Variants in CARS2 observed in about 807,000 individuals in gnomAD.
CARS2 encodes the protein probable cysteine--tRNA ligase, mitochondrial.
Under a neutral mutation model 68.8 loss-of-function variants are expected in CARS2, and 52 were observed. That is an observed-to-expected ratio of 0.76 (90% CI 0.61 to 0.95). CARS2 has a LOEUF of 0.95. Among genes scored for constraint, CARS2 ranks in the 40% least tolerant of loss-of-function variants. The pLI, the probability that CARS2 is intolerant of heterozygous loss-of-function variation, is 0.00. For synonymous variants in CARS2, 314 were observed against 303.6 expected, an observed-to-expected ratio of 1.03 and a Z score of -0.36; for missense variants, 780 against 754.2, an observed-to-expected ratio of 1.03 and a Z score of -0.40.
At chr13:110,673,041 C>T (rs946204137) in intron 7 of CARS2, among the ~76,000 whole-genome samples, 3 of 152,138 alleles carry the variant, frequency 2.0e-5, no homozygotes, top group African/African-American at 7.2e-5. Flanking sequence ...CTGAATAGAC[C>T]AATAACAGGC....
chr13:110,685,173 C>A (rs1338124003), intron 5 of CARS2, among the ~76,000 whole-genome samples: 1 of 152,026 alleles, frequency 6.6e-6, no homozygotes, highest in East Asian at 1.9e-4. Context: ...CTAATTCAAC[C>A]ACCTAAGTCC....
intron 13 of CARS2, chr13:110,644,000 G>A: frequency 5.4e-6 from 4 of 741,102 alleles, no homozygotes; most frequent in Non-Finnish European, 7.7e-6. Flanking sequence ...CAAAACATGT[G>A]CCAGGCAAGG....
At chr13:110,673,803 A>G (rs2062869189) in intron 7 of CARS2, among the ~76,000 whole-genome samples, 1 of 152,138 alleles carries the variant, frequency 6.6e-6, no homozygotes, top group Admixed American at 6.5e-5. Context: ...ATGATTGTAT[A>G]TTTAGAAAAC....
Position 110,668,971 on chromosome 13 carries a change from G to A in CARS2, c.786-1498C>T, listed in dbSNP as rs2062727586. ...ATCTAAAAAATGAATCTACAACCCA[G>A]TTTATATGCCATAGTCTGCTATTAA... On this transcript the variant is annotated intron_variant, in intron 7 of 14. Coordinates refer to ENST00000257347, the MANE Select transcript of CARS2 (RefSeq NM_024537.4). This position sits in a 1 kb window ranked among gnomAD's most constrained non-coding sequence, Gnocchi z 4.1. Among the ~76,000 whole-genome samples the A allele has an allele frequency of 6.6e-6, 1 of 152,196 alleles. No individual in the cohort carries two copies. Among genetic ancestry groups the A allele is most frequent in the African/African-American group, 2.4e-5 (1 of 41,446 alleles).
At chr13:110,701,167 G>A (rs770479970) in intron 3 of CARS2, among the ~76,000 whole-genome samples, 18 of 152,112 alleles carry the variant, frequency 1.2e-4, no homozygotes, top group Middle Eastern at 3.4e-3. Flanking sequence ...AGGGTCAAGC[G>A]ATTCTCCTGC....
chr13:110,648,018 G>A (rs1011305948), intron 10 of CARS2, among the ~76,000 whole-genome samples: 4 of 152,130 alleles, frequency 2.6e-5, no homozygotes, highest in African/African-American at 7.2e-5. Flanking sequence ...GAGCCTATCT[G>A]GACACATATG....
intron 3 of CARS2, among the ~76,000 whole-genome samples, chr13:110,700,613 T>C (rs372898232): frequency 1.3e-5 from 2 of 152,198 alleles, no homozygotes; most frequent in Admixed American, 6.5e-5. Context: ...TTTTTTAATA[T>C]GGAATAAAAT....
In CARS2 at chr13:110,688,204, T is replaced by A. The variant is rs188849917; in HGVS notation, c.394-186A>T. Among the ~76,000 whole-genome samples, 5 of 152,306 alleles carry A rather than the reference T, an allele frequency of 3.3e-5. No homozygotes were observed. The East Asian group carries it at 5.8e-4, about 18-fold the overall frequency. On this transcript the variant is annotated intron_variant, in intron 3 of 14. Coordinates refer to ENST00000257347, the MANE Select transcript of CARS2 (RefSeq NM_024537.4). ...GCACTCATTTTAGGTACTGAACTTT[T>A]ACTAGTAGCTTAGCTAGAAAAAAAG...
rs2062955146 is a variant in CARS2 at position 110,676,541 on chromosome 13, G to A, written c.785+433C>T. On this transcript the variant is annotated intron_variant, in intron 7 of 14. Transcript: ENST00000257347. The surrounding 1 kb of genome is among the most constrained non-coding windows in gnomAD (Gnocchi z 4.0). The stretch of plus-strand genomic sequence containing the variant: ...ACTCCAGGAAGATCTGGGAGGAGCT[G>A]GAGATTTCCGCCACAGAGCACCCTG... Among the ~76,000 whole-genome samples, 1 of 152,130 alleles carries A rather than the reference G, an allele frequency of 6.6e-6. No homozygotes were observed. Among genetic ancestry groups the A allele is most frequent in the Admixed American group, 6.5e-5 (1 of 15,272 alleles).
intron 3 of CARS2, among the ~76,000 whole-genome samples, chr13:110,699,523 TTTAC>T (rs1454556248): frequency 2.6e-5 from 4 of 152,248 alleles, no homozygotes; most frequent in African/African-American, 9.6e-5. Context: ...TTAGGTCAGC[TTTAC>T]TTAAATTCCT....
intron 3 of CARS2, among the ~76,000 whole-genome samples, chr13:110,692,619 C>T (rs1168555039): frequency 1.3e-5 from 2 of 148,362 alleles, no homozygotes; most frequent in African/African-American, 5.0e-5. Flanking sequence ...TCTAGGCCGG[C>T]CTGAGCAACC....
chr13:110,649,400 CCT>C (rs1322176103), intron 10 of CARS2: 1 of 150,616 alleles, frequency 6.6e-6, no homozygotes, highest in Non-Finnish European at 1.5e-5. Flanking sequence ...TCTGTGTGCC[CCT>C]CTCACGCTGA....
At chr13:110,713,011 A>C in intron 1 of CARS2, 1 of 1,530,204 alleles carries the variant, frequency 6.5e-7, no homozygotes, top group Non-Finnish European at 8.8e-7. Flanking sequence ...GCCGCAGCTC[A>C]AAGGACACCG....
intron 7 of CARS2, among the ~76,000 whole-genome samples, chr13:110,675,955 A>C (rs2062937072): frequency 6.6e-6 from 1 of 152,216 alleles, no homozygotes; most frequent in South Asian, 2.1e-4. Context: ...CAGGAGATCG[A>C]GACCAGCCTG....
chr13:110,712,883 G>C (rs1489349795), intron 1 of CARS2: 2 of 1,406,440 alleles, frequency 1.4e-6, no homozygotes, highest in African/African-American at 2.8e-5. Flanking sequence ...TCCAAACTGA[G>C]TACCGGGAGA....
chr13:110,677,208 A>G, intron 6 of CARS2, 105 bp from the exon 7 acceptor site: 2 of 1,127,274 alleles, frequency 1.8e-6, no homozygotes, highest in Admixed American at 3.5e-5. Flanking sequence ...CACCCCCACC[A>G]TGGAAACACA....
At chr13:110,669,174 A>C (rs2062733725) in intron 7 of CARS2, among the ~76,000 whole-genome samples, 1 of 152,186 alleles carries the variant, frequency 6.6e-6, no homozygotes, top group African/African-American at 2.4e-5. Flanking sequence ...CTTAGCAGAA[A>C]AGGGAATCTC....
At chr13:110,654,921 CAA>C (rs34662096) in intron 9 of CARS2, among the ~76,000 whole-genome samples, 27 of 83,790 alleles carry the variant, frequency 3.2e-4, no homozygotes, top group South Asian at 1.2e-3. Flanking sequence ...AACCCTCTCT[CAA>C]AAAAAAAAAA....
At chr13:110,712,489 G>T (rs915097585) in intron 1 of CARS2, 4 of 271,164 alleles carry the variant, frequency 1.5e-5, no homozygotes, top group Non-Finnish European at 2.9e-5. Flanking sequence ...GTGCACAAAG[G>T]CACGAGGCCA....
Sources: gnomAD v4.1 joint callset for allele counts (sites outside exome capture counted in the v4.1 genomes callset) on GRCh38, gnomAD v4.1.1 for gene constraint, Gnocchi (gnomAD v3.1) non-coding constraint, MANE v1.5 for transcripts, NCBI Gene and HGNC (gene_info 2026-07-23, HGNC 2026-07-21) for gene names.